The following SLC35F3 variants were observed in gnomAD, a reference collection of about 807,000 sequenced individuals.
SLC35F3 encodes the protein putative thiamine transporter SLC35F3.
SLC35F3 carries 25 observed loss-of-function variants against 49.9 expected under a neutral mutation model. That is an observed-to-expected ratio of 0.50 (90% CI 0.37 to 0.70). The LOEUF is 0.70. Among genes scored for constraint, SLC35F3 ranks in the 30% least tolerant of loss-of-function variants. SLC35F3 has a pLI of 0.00. For missense variants in SLC35F3, 525 were observed against 639.8 expected, an observed-to-expected ratio of 0.82 and a Z score of 1.94; for synonymous variants, 275 against 265.4, an observed-to-expected ratio of 1.04 and a Z score of -0.35.
chr1:233,997,823 C>T (rs1663485368), intron 2 of SLC35F3, among the ~76,000 whole-genome samples: 1 of 152,008 alleles, frequency 6.6e-6, no homozygotes, highest in Non-Finnish European at 1.5e-5. Flanking sequence ...ACAATCTTGG[C>T]TCACTGCAAC....
intron 2 of SLC35F3, among the ~76,000 whole-genome samples, chr1:233,934,403 C>G (rs908960852): frequency 6.6e-6 from 1 of 152,108 alleles, no homozygotes; most frequent in Non-Finnish European, 1.5e-5. Flanking sequence ...TCAACCTTCA[C>G]GAATACACCC....
intron 3 of SLC35F3, among the ~76,000 whole-genome samples, chr1:234,302,672 G>C (rs940563535): frequency 1.3e-5 from 2 of 152,120 alleles, no homozygotes; most frequent in Non-Finnish European, 2.9e-5. Flanking sequence ...CAGGCTGCAG[G>C]TTTGGCTCCG....
intron 3 of SLC35F3, among the ~76,000 whole-genome samples, chr1:234,303,074 T>C (rs1668718562): frequency 1.3e-5 from 2 of 152,156 alleles, no homozygotes; most frequent in Non-Finnish European, 2.9e-5. Context: ...AATATAGACA[T>C]CCTCTGATTT....
chr1:234,005,607 G>T (rs919853307), intron 2 of SLC35F3, among the ~76,000 whole-genome samples: 1 of 152,200 alleles, frequency 6.6e-6, no homozygotes, highest in Non-Finnish European at 1.5e-5. Context: ...TTCTGTGGGG[G>T]ATGACTGTTT....
At position 234,098,387 on chromosome 1, in the gene SLC35F3, G is replaced by GGGTGATGATGGA. The variant is rs537536247; in HGVS notation, c.284-133025_284-133014dup. On this transcript the variant is annotated intron_variant, in intron 2 of 7. Transcript: ENST00000366618. ...TGGTGGTGGTAGTGATGGTGTCATA[G>GGGTGATGATGGA]GGTGATGATGGAGGTGGTGATTGTG... 8.1e-3 allele frequency among the ~76,000 whole-genome samples: 1,208 copies of GGGTGATGATGGA among 148,626 alleles called. 12 individuals carry two copies. The highest frequency in any genetic ancestry group is 0.012 in the Non-Finnish European group (778 of 66,488).
At chr1:234,097,546 A>ACACACACG (rs1191203293) in intron 2 of SLC35F3, among the ~76,000 whole-genome samples, 1 of 150,486 alleles carries the variant, frequency 6.6e-6, no homozygotes, top group African/African-American at 2.5e-5. Context: ...ACATACACGC[A>ACACACACG]CACACACGCA....
intron 6 of SLC35F3, 37 bp downstream of exon 6, chr1:234,318,980 C>T (rs1379333423): frequency 2.6e-6 from 4 of 1,567,606 alleles, no homozygotes; most frequent in Non-Finnish European, 3.5e-6. Flanking sequence ...TCCCAGAAAG[C>T]AACCACCCAC....
rs1384720321 is a variant in SLC35F3 at position 234,258,025 on chromosome 1, T to C, written c.608+26284T>C. 4.6e-5 allele frequency among the ~76,000 whole-genome samples: 7 copies of C among 152,324 alleles called. No individual in the cohort carries two copies. In the East Asian group the frequency reaches 1.4e-3, roughly 29 times the overall value. The stretch of plus-strand genomic sequence containing the variant: ...CTGCAGTTCTTGCCCACTGTACAGA[T>C]AAAGCCAATTCACTGAGATGGTGGT... On this transcript the variant is annotated intron_variant, in intron 3 of 7. Coordinates refer to ENST00000366618, the MANE Select transcript of SLC35F3 (RefSeq NM_173508.4).
chr1:234,308,798 T>C (rs1657274497), intron 3 of SLC35F3, among the ~76,000 whole-genome samples: 1 of 150,320 alleles, frequency 6.7e-6, no homozygotes, highest in Non-Finnish European at 1.5e-5. Flanking sequence ...TCAATCACCA[T>C]AGAATTAGGC....
At chr1:234,167,898 T>TAG (rs1666342545) in intron 2 of SLC35F3, among the ~76,000 whole-genome samples, 1 of 152,202 alleles carries the variant, frequency 6.6e-6, no homozygotes, top group Non-Finnish European at 1.5e-5. Context: ...GACCTGAGGT[T>TAG]GGCGCACTTT....
At chr1:234,080,718 T>C (rs1316640415) in intron 2 of SLC35F3, among the ~76,000 whole-genome samples, 4 of 152,144 alleles carry the variant, frequency 2.6e-5, no homozygotes, top group East Asian at 1.9e-4. Flanking sequence ...GACAAATCCA[T>C]ACAGAAAGAA....
At chr1:233,954,584 G>T (rs1662663938) in intron 2 of SLC35F3, among the ~76,000 whole-genome samples, 1 of 152,164 alleles carries the variant, frequency 6.6e-6, no homozygotes, top group Non-Finnish European at 1.5e-5. Flanking sequence ...CAGTGGTTTT[G>T]GACAATGAAA....
intron 2 of SLC35F3, chr1:234,215,208 G>A (rs557565315): frequency 4.6e-5 from 7 of 152,586 alleles, no homozygotes; most frequent in Admixed American, 4.6e-4. Flanking sequence ...GATTGGAAGG[G>A]CTGTGAGAGG....
chr1:234,052,393 C>A (rs747509390), intron 2 of SLC35F3, among the ~76,000 whole-genome samples: 1 of 152,118 alleles, frequency 6.6e-6, no homozygotes, highest in African/African-American at 2.4e-5. Context: ...GGAATTTATC[C>A]ATTTCTTCTA....
intron 2 of SLC35F3, among the ~76,000 whole-genome samples, chr1:233,949,755 C>T (rs1377496630): frequency 1.3e-5 from 2 of 151,984 alleles, no homozygotes; most frequent in Non-Finnish European, 2.9e-5. Context: ...ATGTTTAGAC[C>T]GTCTGCTGTA....
At chr1:234,201,667 C>G (rs937909195) in intron 2 of SLC35F3, among the ~76,000 whole-genome samples, 1 of 152,126 alleles carries the variant, frequency 6.6e-6, no homozygotes, top group Non-Finnish European at 1.5e-5. Context: ...CCCACAAATT[C>G]AGCTCAGCAG....
intron 2 of SLC35F3, among the ~76,000 whole-genome samples, chr1:234,065,544 A>G (rs549461459): frequency 6.6e-6 from 1 of 152,318 alleles, no homozygotes; most frequent in South Asian, 2.1e-4. Flanking sequence ...ATTTACTTTT[A>G]TACATATATC....
intron 2 of SLC35F3, among the ~76,000 whole-genome samples, chr1:233,929,296 A>G (rs77700656): frequency 0.028 from 4,213 of 152,266 alleles, 212 homozygotes; most frequent in African/African-American, 0.097. Flanking sequence ...TTTATGTTCA[A>G]TTAAGGGATT....
At chr1:234,230,048 A>G (rs1416927368) in intron 2 of SLC35F3, among the ~76,000 whole-genome samples, 1 of 152,246 alleles carries the variant, frequency 6.6e-6, no homozygotes, top group Non-Finnish European at 1.5e-5. Flanking sequence ...CAACTTGGAT[A>G]TGTGAGCACA....
Sources: gnomAD v4.1 joint callset for allele counts (sites outside exome capture counted in the v4.1 genomes callset) on GRCh38, gnomAD v4.1.1 for gene constraint, MANE v1.5 for transcripts, NCBI Gene and HGNC (gene_info 2026-07-23, HGNC 2026-07-21) for gene names.